Variants in MACROD2 observed in about 807,000 individuals in gnomAD.
The protein encoded by MACROD2 is mono-ADP ribosylhydrolase 2.
MACROD2 carries 36 observed loss-of-function variants against 70.4 expected under a neutral mutation model. The observed-to-expected ratio is 0.51, with a 90% CI of 0.39 to 0.68. The LOEUF is 0.68. MACROD2 is among the 30% of genes least tolerant of loss of function. The pLI is 0.00. For synonymous variants in MACROD2, 172 were observed against 178.8 expected (o/e 0.96, Z 0.30); for missense variants, 496 against 538.4 (o/e 0.92, Z 0.78).
At chr20:15,263,623 T>C (rs1484809272) in intron 6 of MACROD2, among the ~76,000 whole-genome samples, 1 of 152,150 alleles carries the variant, frequency 6.6e-6, no homozygotes, top group East Asian at 1.9e-4. Context: ...CTTTGGGTAA[T>C]ATGGATATTT....
At chr20:15,600,314 T>G (rs1384599383) in intron 8 of MACROD2, among the ~76,000 whole-genome samples, 1 of 152,188 alleles carries the variant, frequency 6.6e-6, no homozygotes, top group East Asian at 1.9e-4. Flanking sequence ...CTTTACTTCC[T>G]TATTAATTCA....
intron 5 of MACROD2, among the ~76,000 whole-genome samples, chr20:15,187,628 CT>C (rs1297651121): frequency 6.6e-6 from 1 of 152,082 alleles, no homozygotes; most frequent in Admixed American, 6.6e-5. Context: ...CCTTCAGTGC[CT>C]TTGATTAAAC....
At chr20:15,986,985 T>C (rs1381399416) in intron 14 of MACROD2, 81 bp from the exon 15 acceptor site, 3 of 1,312,676 alleles carry the variant, frequency 2.3e-6, no homozygotes, top group Non-Finnish European at 2.1e-6. Flanking sequence ...GAACTCTAAC[T>C]TTCTATACCA....
chr20:14,715,859 C>T (rs1338960627), intron 5 of MACROD2, among the ~76,000 whole-genome samples: 1 of 152,160 alleles, frequency 6.6e-6, no homozygotes, highest in Non-Finnish European at 1.5e-5. Flanking sequence ...AACTGCATTA[C>T]TCGGGACCTT....
chr20:14,804,529 T>C (rs1156609478), intron 5 of MACROD2, among the ~76,000 whole-genome samples: 1 of 151,978 alleles, frequency 6.6e-6, no homozygotes, highest in African/African-American at 2.4e-5. Context: ...CATAGGTCCA[T>C]GGAAAACAGT....
intron 4 of MACROD2, among the ~76,000 whole-genome samples, chr20:14,514,779 T>C (rs1302781039): frequency 6.6e-6 from 1 of 152,056 alleles, no homozygotes; most frequent in Non-Finnish European, 1.5e-5. Context: ...TAGGATACAA[T>C]GGATGCCTTC....
chr20:15,886,205 AC>A (rs2064820083), intron 10 of MACROD2, among the ~76,000 whole-genome samples: 1 of 152,188 alleles, frequency 6.6e-6, no homozygotes, highest in African/African-American at 2.4e-5. Flanking sequence ...GGAAGCTGGG[AC>A]CATCTGAAGA....
chr20:14,583,679 T>G (rs1233816664), intron 4 of MACROD2, among the ~76,000 whole-genome samples: 2 of 152,186 alleles, frequency 1.3e-5, no homozygotes, highest in African/African-American at 2.4e-5. Flanking sequence ...AAGATCTACC[T>G]TAGAAGGTTG....
At chr20:14,567,907 G>A (rs1343886045) in intron 4 of MACROD2, among the ~76,000 whole-genome samples, 1 of 152,032 alleles carries the variant, frequency 6.6e-6, no homozygotes, top group Non-Finnish European at 1.5e-5. Context: ...CATAGGTAAG[G>A]AGAGAGAAAT....
At chr20:15,096,047 T>C (rs931410213) in intron 5 of MACROD2, among the ~76,000 whole-genome samples, 4 of 152,162 alleles carry the variant, frequency 2.6e-5, no homozygotes, top group African/African-American at 9.7e-5. Flanking sequence ...AAGAGTGTTT[T>C]TCCCCCCAGG....
intron 5 of MACROD2, among the ~76,000 whole-genome samples, chr20:15,016,283 G>A (rs903499430): frequency 3.3e-5 from 5 of 152,190 alleles, no homozygotes; most frequent in Non-Finnish European, 5.9e-5. Flanking sequence ...GCAGGGTGCA[G>A]TGTATCACTT....
chr20:15,372,494 T>C (rs982160728), intron 6 of MACROD2, among the ~76,000 whole-genome samples: 4 of 152,324 alleles, frequency 2.6e-5, no homozygotes, highest in African/African-American at 7.2e-5. Flanking sequence ...TTAATGTCCA[T>C]TGGGTTTCTT....
At chr20:15,716,163 A>C (rs1292635333) in intron 8 of MACROD2, among the ~76,000 whole-genome samples, 1 of 152,202 alleles carries the variant, frequency 6.6e-6, no homozygotes, top group African/African-American at 2.4e-5. Flanking sequence ...ATTAAAAATA[A>C]AAACTATTTA....
chr20:14,724,822 A>C, intron 5 of MACROD2, among the ~76,000 whole-genome samples: 1 of 152,122 alleles, frequency 6.6e-6, no homozygotes, highest in East Asian at 1.9e-4. Flanking sequence ...GTTTTATTTG[A>C]AGTATGTTGG....
chr20:14,481,034 G>A (rs1044280067), intron 3 of MACROD2, among the ~76,000 whole-genome samples: 4 of 152,000 alleles, frequency 2.6e-5, no homozygotes, highest in Non-Finnish European at 5.9e-5. Flanking sequence ...TTCTCTATTT[G>A]ATTGTCCTAA....
chr20:15,819,603 T>A (rs1387042772), intron 8 of MACROD2, among the ~76,000 whole-genome samples: 1 of 150,990 alleles, frequency 6.6e-6, no homozygotes, highest in Admixed American at 6.6e-5. Context: ...TGGAAGGAGA[T>A]CCTGCCATTT....
chr20:14,752,189 C>T (rs2071881823), intron 5 of MACROD2, among the ~76,000 whole-genome samples: 1 of 151,072 alleles, frequency 6.6e-6, no homozygotes, highest in South Asian at 2.1e-4. Context: ...TTAAATTGTT[C>T]CCTTAGTTTC....
chr20:14,823,082 T>C (rs914834301), intron 5 of MACROD2, among the ~76,000 whole-genome samples: 3 of 152,144 alleles, frequency 2.0e-5, no homozygotes, highest in African/African-American at 7.2e-5. Flanking sequence ...TCAGCAGTTA[T>C]AGAGGCATGA....
chr20:15,398,059 G>A (rs2045882696), intron 6 of MACROD2, among the ~76,000 whole-genome samples: 1 of 152,052 alleles, frequency 6.6e-6, no homozygotes. Context: ...AATTCTCAAA[G>A]CAACAAGAAG....
Sources: allele counts gnomAD v4.1 joint callset (sites outside exome capture counted in the v4.1 genomes callset), GRCh38; gene constraint gnomAD v4.1.1; transcripts MANE v1.5; gene names NCBI Gene and HGNC (gene_info 2026-07-23, HGNC 2026-07-21).